The following ZBBX variants were observed in gnomAD, a reference collection of about 807,000 sequenced individuals.
ZBBX encodes zinc finger B-box domain-containing protein 1.
In ZBBX, 101 loss-of-function variants were observed where a neutral mutation model predicts 108.5. The observed-to-expected ratio is 0.93, with a 90% CI of 0.79 to 1.10. ZBBX has a LOEUF of 1.10. Ranked by LOEUF, ZBBX falls within the 50% of genes least tolerant of loss-of-function variation. The pLI is 0.00. For synonymous variants in ZBBX, 356 were observed against 323.4 expected (o/e 1.10, Z -1.08); for missense variants, 1,009 against 941.4 (o/e 1.07, Z -0.94).
intron 12 of ZBBX, among the ~76,000 whole-genome samples, chr3:167,321,497 C>A (rs1338131157): frequency 2.6e-5 from 4 of 151,908 alleles, no homozygotes; most frequent in African/African-American, 9.7e-5. Flanking sequence ...ACTTCTCAGG[C>A]AAATTCTAGA....
chr3:167,318,580 A>C (rs919199140), intron 12 of ZBBX, among the ~76,000 whole-genome samples: 3 of 151,958 alleles, frequency 2.0e-5, no homozygotes, highest in Non-Finnish European at 4.4e-5. Context: ...CAACTTTCAA[A>C]GGCATTAAAA....
chr3:167,230,554 T>C, the ZBBX span, among the ~76,000 whole-genome samples: 17 of 151,812 alleles, frequency 1.1e-4, no homozygotes, highest in South Asian at 3.1e-3. Flanking sequence ...AAGAATAATA[T>C]AAAGGGACAT....
chr3:167,282,203 A>C (rs1728931090), intron 20 of ZBBX, 35 bp downstream of exon 20: 2 of 1,569,006 alleles, frequency 1.3e-6, no homozygotes, highest in Non-Finnish European at 1.7e-6. Context: ...AGAGTTAATT[A>C]GCATTATCTA....
rs1040244934 is a variant in ZBBX, at chr3:167,322,124, G to A, written c.976C>T (p.His326Tyr). The A allele has an allele frequency of 2.2e-5, 28 of 1,292,210 alleles. No individual in the cohort carries two copies. The East Asian group carries it at 7.7e-4, about 36-fold the overall frequency. 80.0% of individuals were successfully genotyped at this position (1,292,210 alleles called of 1,614,324 possible). A position where few individuals can be genotyped will look rare whatever the true frequency, so the allele number is the denominator to read the frequency against. Reference sequence around the variant, plus strand: ...TATAATTTCAGAAAATACCTCCTGTGTTTTTTAAGCCATAATTTTTCCATA... The same window carrying A: ...TATAATTTCAGAAAATACCTCCTGTATTTTTTAAGCCATAATTTTTCCATA... ...SYMEKLWLKK[H>Y]RRTPQEQLFK... Residue 326 changes from histidine (H) to tyrosine (Y), a missense_variant, in exon 12 of 22, where the codon CAC becomes TAC. Transcript: ENST00000675490.
the ZBBX span, among the ~76,000 whole-genome samples, chr3:167,188,076 C>A: frequency 2.6e-5 from 4 of 152,042 alleles, no homozygotes; most frequent in African/African-American, 7.2e-5. Context: ...GAGAAAAAAT[C>A]TTACTCAGAT....
At chr3:167,347,415 A>G (rs1231853139) in intron 9 of ZBBX, among the ~76,000 whole-genome samples, 1 of 151,996 alleles carries the variant, frequency 6.6e-6, no homozygotes, top group Non-Finnish European at 1.5e-5. Context: ...TAAAAAGAAG[A>G]TATGTTTAAC....
At chr3:167,180,103 C>G in the ZBBX span, among the ~76,000 whole-genome samples, 7 of 152,056 alleles carry the variant, frequency 4.6e-5, no homozygotes, top group African/African-American at 1.2e-4. Context: ...ATCTTGCTCT[C>G]GAACAACAAC....
At chr3:167,219,276 G>A in the ZBBX span, among the ~76,000 whole-genome samples, 1 of 151,872 alleles carries the variant, frequency 6.6e-6, no homozygotes, top group Non-Finnish European at 1.5e-5. Flanking sequence ...TACACCAAAT[G>A]GATCTAATAG....
chr3:167,217,372 A>C, the ZBBX span, among the ~76,000 whole-genome samples: 1 of 152,156 alleles, frequency 6.6e-6, no homozygotes, highest in African/African-American at 2.4e-5. Context: ...AAAAAGTTCA[A>C]TATCACTGAT....
chr3:167,272,269 T>C (rs1726660184), intron 20 of ZBBX, among the ~76,000 whole-genome samples: 2 of 152,178 alleles, frequency 1.3e-5, no homozygotes, highest in South Asian at 2.1e-4. Context: ...AAAAGATCAA[T>C]TCCTCAGGAA....
In ZBBX at chr3:167,333,829, C is replaced by G; in HGVS notation, c.685G>C (p.Glu229Gln). 6.2e-7 allele frequency: 1 copy of G among 1,600,674 alleles called. No individual in the cohort carries two copies. The highest frequency in any genetic ancestry group is 1.1e-5 in the South Asian group (1 of 88,706). Residue 229 changes from glutamate (E) to glutamine (Q), a missense_variant and splice_region_variant, in exon 10 of 22, where the codon GAG (glutamate) becomes CAG (glutamine). Physicochemically the swap from Glu to Gln is conservative, Grantham distance 29 (BLOSUM62 2). Coordinates refer to ENST00000675490, the MANE Select transcript of ZBBX (RefSeq NM_001199201.2). ...CTACTATATTTTCCTCAGTTTACCT[C>G]AGAGCTGCTCCTCTGGAGAAGTACA... The part of the protein sequence containing the change: ...KSVLLQRSSS[E>Q]VEITTMKRAQ...
chr3:167,323,339 G>A lies in ZBBX; in HGVS notation c.863-1102C>T, dbSNP rs1004826963. ...CTCTAAACACAGAAGGGTGATGGAAGAGGAAGAAGATAAAGCAGCTGGCCC... is the reference window on the plus strand; with the variant it reads ...CTCTAAACACAGAAGGGTGATGGAAAAGGAAGAAGATAAAGCAGCTGGCCC... On this transcript the variant is annotated intron_variant, in intron 11 of 21. Transcript: ENST00000675490. Among the ~76,000 whole-genome samples the A allele has an allele frequency of 5.9e-5, 9 of 151,768 alleles. No homozygotes were observed. In the Admixed American group the frequency reaches 5.9e-4, roughly 10 times the overall value.
At chr3:167,275,607 G>A (rs559626976) in intron 20 of ZBBX, among the ~76,000 whole-genome samples, 56 of 152,318 alleles carry the variant, frequency 3.7e-4, no homozygotes, top group African/African-American at 1.3e-3. Flanking sequence ...ATTATATCCC[G>A]CACATGGCTC....
the ZBBX span, among the ~76,000 whole-genome samples, chr3:167,218,989 CA>C: frequency 0.8 from 121,540 of 151,018 alleles, 49,104 homozygotes; most frequent in East Asian, 0.89. Flanking sequence ...ATACTTGTAT[CA>C]AAAAAAAAAT....
At chr3:167,235,331 T>C (rs1211230817), downstream of ZBBX, among the ~76,000 whole-genome samples, 1 of 151,544 alleles carries the variant, frequency 6.6e-6, no homozygotes, top group African/African-American at 2.4e-5. Flanking sequence ...AACAACAAAA[T>C]GTTATCCTAT....
intron 5 of ZBBX, 53 bp downstream of exon 5, chr3:167,368,408 T>G: frequency 3.1e-6 from 4 of 1,271,756 alleles, no homozygotes; most frequent in Non-Finnish European, 4.6e-6. Context: ...TATAAAATAG[T>G]TCTTTATATA....
intron 1 of ZBBX, among the ~76,000 whole-genome samples, chr3:167,401,981 A>C (rs1345553749): frequency 2.0e-5 from 3 of 152,182 alleles, no homozygotes; most frequent in Non-Finnish European, 4.4e-5. Context: ...ATAAGTAAGC[A>C]GTGAGATCTG....
At chr3:167,340,385 T>C (rs1740329434) in intron 9 of ZBBX, among the ~76,000 whole-genome samples, 1 of 152,060 alleles carries the variant, frequency 6.6e-6, no homozygotes, top group Non-Finnish European at 1.5e-5. Context: ...TTCCACTTAG[T>C]AAAAATATCT....
rs192420307 is a variant in ZBBX, at chr3:167,323,180, C to G, written c.863-943G>C. ...AAGTCATGAGAGAGAAGAAATGCCT[C>G]CACTATGAGTCCCCCTTTTCATTTT... On this transcript the variant is annotated intron_variant, in intron 11 of 21. Coordinates refer to ENST00000675490, the MANE Select transcript of ZBBX (RefSeq NM_001199201.2). 2.2e-3 allele frequency among the ~76,000 whole-genome samples: 334 copies of G among 150,414 alleles called. 2 individuals are homozygous for G. The highest frequency in any genetic ancestry group is 3.6e-3 in the Non-Finnish European group (243 of 67,700).
Sources: gnomAD v4.1 joint callset for allele counts (sites outside exome capture counted in the v4.1 genomes callset) on GRCh38, gnomAD v4.1.1 for gene constraint, MANE v1.5 for transcripts, NCBI Gene and HGNC (gene_info 2026-07-23, HGNC 2026-07-21) for gene names.